GRIP1: variants seen among roughly 807,000 people sequenced by gnomAD.
The protein encoded by GRIP1 is glutamate receptor interacting protein 1, also known as glutamate receptor-interacting protein 1.
GRIP1 carries 45 observed loss-of-function variants against 129.9 expected under a neutral mutation model. The ratio of observed to expected loss-of-function variants is 0.35; its 90% confidence interval spans 0.27 to 0.44. The LOEUF is 0.44. GRIP1 is among the 20% of genes least tolerant of loss of function. The probability of loss-of-function intolerance (pLI) is 1.00; values close to 1 mark genes in which losing one functional copy is unlikely to be tolerated. For synonymous variants in GRIP1, 530 were observed against 520.8 expected (o/e 1.02, Z -0.24); for missense variants, 1,196 against 1,396.8 (o/e 0.86, Z 2.29).
chr12:66,452,013 A>G (rs60282479), intron 11 of GRIP1, among the ~76,000 whole-genome samples: 35,053 of 152,174 alleles, frequency 0.23, 4,529 homozygotes, highest in Middle Eastern at 0.42. Flanking sequence ...ACTCTCTCTA[A>G]TAGTAGTTAC....
intron 3 of GRIP1, among the ~76,000 whole-genome samples, chr12:66,539,438 G>C (rs542347158): frequency 6.6e-6 from 1 of 151,706 alleles, no homozygotes; most frequent in East Asian, 1.9e-4. Context: ...TACTCATGCA[G>C]CCTGTGATAC....
intron 1 of GRIP1, among the ~76,000 whole-genome samples, chr12:67,025,342 A>G (rs1208968369): frequency 6.6e-6 from 1 of 152,098 alleles, no homozygotes; most frequent in Admixed American, 6.5e-5. Flanking sequence ...CTCTGTCTCA[A>G]ATACACACAC....
chr12:66,977,145 G>GTA (rs2042164361), intron 1 of GRIP1, among the ~76,000 whole-genome samples: 1 of 150,932 alleles, frequency 6.6e-6, no homozygotes, highest in African/African-American at 2.4e-5. Flanking sequence ...AATTATGAAA[G>GTA]TATATATATA....
Position 66,785,343 on chromosome 12 carries a change from C to CATATATATATATATATATATAT in GRIP1, c.-420+18709_-420+18710insATATATATATATATATATATAT, listed in dbSNP as rs199738180. On this transcript the variant is annotated intron_variant, in intron 1 of 4. Coordinates refer to the GRIP1 transcript ENST00000538373. The stretch of plus-strand genomic sequence containing the variant: ...ACATACATACATACATACATACATA[C>CATATATATATATATATATATAT]ATATATATATATATATATATTAGTT... Among the ~76,000 whole-genome samples, 547 of 72,660 alleles carry CATATATATATATATATATATAT rather than the reference C, an allele frequency of 7.5e-3. 17 individuals carry two copies. The highest frequency in any genetic ancestry group is 0.013 in the South Asian group (21 of 1,674). 47.7% of individuals were successfully genotyped at this position (72,660 alleles called of 152,430 possible).
intron 1 of GRIP1, among the ~76,000 whole-genome samples, chr12:66,995,052 A>C (rs527951539): frequency 6.6e-6 from 1 of 152,170 alleles, no homozygotes; most frequent in South Asian, 2.1e-4. Context: ...GTTTATGATA[A>C]ATTTATTTTC....
intron 1 of GRIP1, among the ~76,000 whole-genome samples, chr12:66,701,106 C>T (rs539716411): frequency 6.6e-6 from 1 of 152,234 alleles, no homozygotes; most frequent in East Asian, 1.9e-4. Context: ...AGTCTGACTC[C>T]AAAACCCGTG....
intron 2 of GRIP1, among the ~76,000 whole-genome samples, chr12:66,573,098 G>A (rs925994235): frequency 6.5e-5 from 5 of 77,158 alleles, no homozygotes; most frequent in Non-Finnish European, 1.1e-4. Flanking sequence ...TATATATGTC[G>A]GCATATATAT....
At chr12:66,417,227 A>G (rs779223945) in intron 15 of GRIP1, among the ~76,000 whole-genome samples, 133 of 152,338 alleles carry the variant, frequency 8.7e-4, no homozygotes, top group African/African-American at 3.0e-3. Flanking sequence ...AAAGCATTTG[A>G]AAAAATTTAA....
At chr12:66,898,036 A>C (rs1293382524) in intron 1 of GRIP1, among the ~76,000 whole-genome samples, 1 of 152,222 alleles carries the variant, frequency 6.6e-6, no homozygotes, top group East Asian at 1.9e-4. Context: ...GGGGAAAATA[A>C]TGTTTATTTA....
intron 1 of GRIP1, among the ~76,000 whole-genome samples, chr12:67,031,955 G>A (rs1025654365): frequency 4.6e-5 from 7 of 151,640 alleles, no homozygotes; most frequent in African/African-American, 1.5e-4. Flanking sequence ...TCCCTCCTCC[G>A]TGCCTTGGGC....
chr12:66,431,077 G>A (rs1219298182), intron 14 of GRIP1, among the ~76,000 whole-genome samples: 1 of 152,206 alleles, frequency 6.6e-6, no homozygotes, highest in Non-Finnish European at 1.5e-5. Flanking sequence ...ATAAACAAAA[G>A]AGAATAACCT....
At chr12:67,046,913 T>C (rs555644028) in intron 1 of GRIP1, among the ~76,000 whole-genome samples, 1 of 152,316 alleles carries the variant, frequency 6.6e-6, no homozygotes, top group South Asian at 2.1e-4. Context: ...GAACTTGAAT[T>C]ATATATTACT....
chr12:66,739,914 C>T (rs964730090), intron 1 of GRIP1, among the ~76,000 whole-genome samples: 18 of 152,138 alleles, frequency 1.2e-4, no homozygotes, highest in African/African-American at 4.3e-4. Context: ...TAGTCTCTAC[C>T]CATCTTCCTC....
intron 1 of GRIP1, among the ~76,000 whole-genome samples, chr12:66,992,629 A>C (rs1285041353): frequency 6.6e-6 from 1 of 152,236 alleles, no homozygotes; most frequent in Non-Finnish European, 1.5e-5. Flanking sequence ...AAGTGCACAC[A>C]GAGCATTCTC....
At chr12:66,866,542 C>T (rs549508743) in intron 1 of GRIP1, among the ~76,000 whole-genome samples, 2 of 152,086 alleles carry the variant, frequency 1.3e-5, no homozygotes, top group Admixed American at 1.3e-4. Context: ...TGACTAAGAC[C>T]TACTAATTGA....
intron 11 of GRIP1, among the ~76,000 whole-genome samples, chr12:66,448,096 T>C (rs2058681571): frequency 6.6e-6 from 1 of 152,114 alleles, no homozygotes; most frequent in Admixed American, 6.5e-5. Flanking sequence ...TTCTCAACTC[T>C]TTCTCTTGTT....
chr12:66,886,139 G>A (rs562039720), intron 1 of GRIP1, among the ~76,000 whole-genome samples: 15 of 152,098 alleles, frequency 9.9e-5, no homozygotes, highest in East Asian at 5.8e-4. Flanking sequence ...GGTGGGGCAC[G>A]CCTGTAGTCC....
intron 1 of GRIP1, among the ~76,000 whole-genome samples, chr12:66,686,195 C>T (rs2034777973): frequency 6.6e-6 from 1 of 152,150 alleles, no homozygotes; most frequent in Non-Finnish European, 1.5e-5. Flanking sequence ...CCAGAGCACA[C>T]CTCAGATTCA....
chr12:66,467,193 A>T (rs2059309612), intron 7 of GRIP1, among the ~76,000 whole-genome samples: 2 of 152,182 alleles, frequency 1.3e-5, no homozygotes, highest in Admixed American at 1.3e-4. Flanking sequence ...AATATCTGCA[A>T]GGAGCCAAAG....
Sources: gnomAD v4.1 joint callset for allele counts (sites outside exome capture counted in the v4.1 genomes callset) on GRCh38, gnomAD v4.1.1 for gene constraint, MANE v1.5 for transcripts, NCBI Gene and HGNC (gene_info 2026-07-23, HGNC 2026-07-21) for gene names.